The following CDH13 variants were observed in gnomAD, a reference collection of about 807,000 sequenced individuals.
CDH13 encodes cadherin-13.
In CDH13, 24 loss-of-function variants were observed where a neutral mutation model predicts 63.8. The observed-to-expected ratio is 0.38, with a 90% confidence interval of 0.27 to 0.53. CDH13 has a LOEUF of 0.53. Among genes scored for constraint, CDH13 ranks in the 20% least tolerant of loss-of-function variants. The pLI, the probability that CDH13 is intolerant of heterozygous loss-of-function variation, is 0.85. For missense variants in CDH13, 1,049 were observed against 903.1 expected, an observed-to-expected ratio of 1.16 and a Z score of -2.07; for synonymous variants, 503 against 355.3, an observed-to-expected ratio of 1.42 and a Z score of -4.67.
intron 3 of CDH13, among the ~76,000 whole-genome samples, chr16:83,048,528 A>C (rs1435898304): frequency 6.6e-6 from 1 of 152,130 alleles, no homozygotes; most frequent in African/African-American, 2.4e-5. Flanking sequence ...CATTTACCTA[A>C]AGCAGTAAGT....
intron 8 of CDH13, among the ~76,000 whole-genome samples, chr16:83,610,338 A>C (rs1414988273): frequency 6.6e-6 from 1 of 152,240 alleles, no homozygotes; most frequent in Non-Finnish European, 1.5e-5. Context: ...ATTGCAGTTA[A>C]TATGACTTAT....
intron 1 of CDH13, among the ~76,000 whole-genome samples, chr16:82,798,098 A>T (rs2036677086): frequency 6.6e-6 from 1 of 152,214 alleles, no homozygotes; most frequent in South Asian, 2.1e-4. Flanking sequence ...TCAATTGCAG[A>T]TGCAGTGTCT....
At chr16:82,627,689 G>A (rs1907500376) in intron 1 of CDH13, among the ~76,000 whole-genome samples, 1 of 152,132 alleles carries the variant, frequency 6.6e-6, no homozygotes, top group East Asian at 2.0e-4. Flanking sequence ...GCGCCTCGGG[G>A]CAGCAGAGAG....
intron 1 of CDH13, among the ~76,000 whole-genome samples, chr16:82,667,097 G>C (rs967061262): frequency 2.0e-5 from 3 of 152,118 alleles, no homozygotes; most frequent in Non-Finnish European, 4.4e-5. Context: ...ACTTTGACTT[G>C]TGTCTTCAGA....
intron 7 of CDH13, among the ~76,000 whole-genome samples, chr16:83,516,920 C>A (rs1939298725): frequency 6.6e-6 from 1 of 152,016 alleles, no homozygotes; most frequent in South Asian, 2.1e-4. Flanking sequence ...AAATTGTTAG[C>A]CAGGAAAGGA....
At chr16:83,114,523 A>G (rs2035209216) in intron 3 of CDH13, among the ~76,000 whole-genome samples, 1 of 152,202 alleles carries the variant, frequency 6.6e-6, no homozygotes. Context: ...ACCCCCTGCC[A>G]TGAGATGATA....
At chr16:83,624,984 A>C (rs965260278) in intron 8 of CDH13, among the ~76,000 whole-genome samples, 3 of 152,182 alleles carry the variant, frequency 2.0e-5, no homozygotes, top group East Asian at 1.9e-4. Flanking sequence ...CCGGTTCTGC[A>C]TGTGTGCGGT....
chr16:82,849,285 C>T (rs1239041452), intron 1 of CDH13, among the ~76,000 whole-genome samples: 4 of 152,200 alleles, frequency 2.6e-5, no homozygotes, highest in Middle Eastern at 3.4e-3. Flanking sequence ...AGGTGGATCA[C>T]GAGGTCAGGA....
intron 5 of CDH13, among the ~76,000 whole-genome samples, chr16:83,297,104 A>T (rs1015925547): frequency 6.6e-6 from 1 of 152,102 alleles, no homozygotes; most frequent in African/African-American, 2.4e-5. Context: ...AGGAGAGAGG[A>T]TGGTCAACAG....
intron 1 of CDH13, among the ~76,000 whole-genome samples, chr16:82,663,554 C>T (rs1412977289): frequency 6.6e-6 from 1 of 152,216 alleles, no homozygotes; most frequent in African/African-American, 2.4e-5. Flanking sequence ...CTGACCCTAG[C>T]CAGATCCCAT....
intron 2 of CDH13, among the ~76,000 whole-genome samples, chr16:82,982,384 C>G (rs1910388109): frequency 6.6e-6 from 1 of 152,152 alleles, no homozygotes; most frequent in African/African-American, 2.4e-5. Flanking sequence ...AACTTAGTGA[C>G]TTAAAATACC....
At chr16:82,675,983 T>C (rs890564693) in intron 1 of CDH13, among the ~76,000 whole-genome samples, 1 of 152,196 alleles carries the variant, frequency 6.6e-6, no homozygotes, top group Non-Finnish European at 1.5e-5. Flanking sequence ...GAGGGTATGC[T>C]CAAACTCAAT....
At chr16:83,789,219 C>T (rs1203097392) in intron 13 of CDH13, among the ~76,000 whole-genome samples, 2 of 152,020 alleles carry the variant, frequency 1.3e-5, no homozygotes. Flanking sequence ...GGCCGACCCA[C>T]GTGTGCTACC....
intron 2 of CDH13, among the ~76,000 whole-genome samples, chr16:82,908,488 T>C (rs577982146): frequency 5.9e-5 from 9 of 152,336 alleles, no homozygotes; most frequent in African/African-American, 2.2e-4. Flanking sequence ...CCAGCAGGCA[T>C]GGGCATCAGA....
intron 6 of CDH13, among the ~76,000 whole-genome samples, chr16:83,466,317 C>G (rs555727743): frequency 4.6e-5 from 7 of 152,180 alleles, no homozygotes; most frequent in African/African-American, 1.7e-4. Flanking sequence ...GCAAAGGAGG[C>G]ATGGGGTTTT....
chr16:83,665,015 G>A lies in CDH13; in HGVS notation c.1102-5775G>A, dbSNP rs187987022. Among the ~76,000 whole-genome samples, 20 of 152,158 alleles carry A rather than the reference G, an allele frequency of 1.3e-4. No homozygotes were observed. In the East Asian group the frequency reaches 1.4e-3, roughly 10 times the overall value. ...TTAAAATGAATTGTTGTATCTTTCC[G>A]CCATGAGATAAATCCTAATCATAGA... On this transcript the variant is annotated intron_variant, in intron 8 of 13. Coordinates refer to ENST00000567109, the MANE Select transcript of CDH13 (RefSeq NM_001257.5).
chr16:82,981,450 A>G (rs1306312610), intron 2 of CDH13, among the ~76,000 whole-genome samples: 3 of 151,976 alleles, frequency 2.0e-5, no homozygotes, highest in Non-Finnish European at 2.9e-5. Flanking sequence ...TGAATGTCTC[A>G]TCATTCTCCA....
intron 6 of CDH13, among the ~76,000 whole-genome samples, chr16:83,404,834 C>G (rs563171575): frequency 1.1e-4 from 16 of 152,324 alleles, no homozygotes; most frequent in African/African-American, 3.8e-4. Flanking sequence ...CCAACAGGAT[C>G]TGTCGGACGC....
chr16:83,619,022 TG>T (rs1417219658), intron 8 of CDH13, among the ~76,000 whole-genome samples: 1 of 152,234 alleles, frequency 6.6e-6, no homozygotes, highest in African/African-American at 2.4e-5. Context: ...GGCTCAGATC[TG>T]AAAGACAGGA....
Sources: gnomAD v4.1 joint callset for allele counts (sites outside exome capture counted in the v4.1 genomes callset) on GRCh38, gnomAD v4.1.1 for gene constraint, MANE v1.5 for transcripts, NCBI Gene and HGNC (gene_info 2026-07-23, HGNC 2026-07-21) for gene names.